SLCO1B1: variants seen among roughly 807,000 people sequenced by gnomAD.
SLCO1B1 encodes the protein solute carrier organic anion transporter family member 1B1.
SLCO1B1 carries 81 observed loss-of-function variants against 70.1 expected under a neutral mutation model. That is an observed-to-expected ratio of 1.16 (90% CI 0.97 to 1.39). The LOEUF (loss-of-function observed/expected upper bound fraction) is 1.39. Among genes scored for constraint, SLCO1B1 ranks in the 40% most tolerant of loss-of-function variants. The probability of loss-of-function intolerance (pLI) is 0.00; values close to 1 mark genes in which losing one functional copy is unlikely to be tolerated. For missense variants in SLCO1B1, 895 were observed against 799.6 expected, an observed-to-expected ratio of 1.12 and a Z score of -1.44; for synonymous variants, 283 against 271.5, an observed-to-expected ratio of 1.04 and a Z score of -0.42.
intron 11 of SLCO1B1, 70 bp from the exon 12 acceptor site, chr12:21,217,049 A>G: frequency 8.9e-7 from 1 of 1,118,240 alleles, no homozygotes; most frequent in Non-Finnish European, 1.4e-6. Flanking sequence ...ACTAAATATA[A>G]TGCAATGTAT....
At chr12:21,157,164 CA>C (rs1429885610) in intron 2 of SLCO1B1, among the ~76,000 whole-genome samples, 2 of 151,892 alleles carry the variant, frequency 1.3e-5, no homozygotes, top group Admixed American at 1.3e-4. Context: ...CAAGCAAAAA[CA>C]AACAAATAAC....
intron 14 of SLCO1B1, among the ~76,000 whole-genome samples, chr12:21,228,231 T>C (rs1318423881): frequency 6.6e-6 from 1 of 152,204 alleles, no homozygotes; most frequent in East Asian, 1.9e-4. Flanking sequence ...TGTCTTTCAG[T>C]GAGCTCTTTA....
chr12:21,238,027 A>T (rs758826935), intron 14 of SLCO1B1, among the ~76,000 whole-genome samples: 12 of 152,150 alleles, frequency 7.9e-5, no homozygotes, highest in Admixed American at 2.6e-4. Flanking sequence ...ATTATTTTTT[A>T]AAAATGTTTC....
At chr12:21,181,871 A>G (rs1390497621) in intron 7 of SLCO1B1, among the ~76,000 whole-genome samples, 2 of 152,160 alleles carry the variant, frequency 1.3e-5, no homozygotes, top group Admixed American at 6.5e-5. Context: ...GGAAACCCTA[A>G]GAAAAAGGTA....
At chr12:21,153,839 T>C (rs897152531) in intron 2 of SLCO1B1, among the ~76,000 whole-genome samples, 3 of 152,014 alleles carry the variant, frequency 2.0e-5, no homozygotes, top group African/African-American at 7.2e-5. Flanking sequence ...TCTATGTCTA[T>C]TTGGGCTATT....
At chr12:21,153,982 C>G (rs975797187) in intron 2 of SLCO1B1, among the ~76,000 whole-genome samples, 4 of 152,006 alleles carry the variant, frequency 2.6e-5, no homozygotes, top group Non-Finnish European at 4.4e-5. Context: ...AAAATCCAAA[C>G]TAAAAATTAT....
intron 2 of SLCO1B1, among the ~76,000 whole-genome samples, chr12:21,164,677 G>A (rs533981544): frequency 5.9e-5 from 9 of 152,028 alleles, no homozygotes; most frequent in South Asian, 2.1e-4. Flanking sequence ...CAAATAATCC[G>A]TGTTATTTCA....
chr12:21,145,675 T>C (rs912392983), intron 2 of SLCO1B1, among the ~76,000 whole-genome samples: 1 of 151,896 alleles, frequency 6.6e-6, no homozygotes, highest in Non-Finnish European at 1.5e-5. Flanking sequence ...AATACATAAA[T>C]GAAAATTTGA....
intron 14 of SLCO1B1, among the ~76,000 whole-genome samples, chr12:21,234,545 C>T (rs1360746165): frequency 1.3e-5 from 2 of 151,942 alleles, no homozygotes; most frequent in Non-Finnish European, 2.9e-5. Flanking sequence ...TAAATTTCTC[C>T]CAGAATTAGT....
intron 14 of SLCO1B1, among the ~76,000 whole-genome samples, chr12:21,229,149 C>T (rs532921062): frequency 3.3e-5 from 5 of 152,116 alleles, no homozygotes; most frequent in Admixed American, 6.5e-5. Context: ...CCACATACCA[C>T]CTGCCCCACA....
chr12:21,196,774 A>G (rs1941096200), intron 7 of SLCO1B1, among the ~76,000 whole-genome samples, 172 bp from the exon 8 acceptor site: 1 of 152,206 alleles, frequency 6.6e-6, no homozygotes, highest in South Asian at 2.1e-4. Context: ...CTGTTGCATT[A>G]TGTCATCAAA....
intron 1 of SLCO1B1, among the ~76,000 whole-genome samples, chr12:21,132,142 C>T (rs1036430061): frequency 6.6e-6 from 1 of 152,132 alleles, no homozygotes; most frequent in Admixed American, 6.5e-5. Flanking sequence ...CAGTTTCATC[C>T]ATGTCCCTAC....
chr12:21,218,899 A>G (rs1941391406), intron 12 of SLCO1B1, among the ~76,000 whole-genome samples: 1 of 152,242 alleles, frequency 6.6e-6, no homozygotes. Context: ...GAATAAAAAT[A>G]TAAATTTCAG....
At position 21,185,003 on chromosome 12, in the gene SLCO1B1, A is replaced by G. The variant is rs562151591; in HGVS notation, c.727+5983A>G. Among the ~76,000 whole-genome samples the G allele has an allele frequency of 5.3e-4, 80 of 152,326 alleles. 1 individual carries two copies. The South Asian group carries it at 0.015, about 29-fold the overall frequency. Reference sequence around the variant, plus strand: ...ACAGACATTAAACCAAAAACCATCAAGAAGGACAAAGAAGGGTATTACATA... The same window carrying G: ...ACAGACATTAAACCAAAAACCATCAGGAAGGACAAAGAAGGGTATTACATA... On this transcript the variant is annotated intron_variant, in intron 7 of 14. Coordinates refer to ENST00000256958, the MANE Select transcript of SLCO1B1 (RefSeq NM_006446.5).
chr12:21,144,086 T>A (rs1940350005), intron 2 of SLCO1B1, among the ~76,000 whole-genome samples: 1 of 152,162 alleles, frequency 6.6e-6, no homozygotes, highest in South Asian at 2.1e-4. Flanking sequence ...TGCTAGTATA[T>A]GTTTCATCAT....
chr12:21,191,047 C>A (rs1941024221), intron 7 of SLCO1B1, among the ~76,000 whole-genome samples: 1 of 151,974 alleles, frequency 6.6e-6, no homozygotes, highest in Admixed American at 6.6e-5. Flanking sequence ...ATTACTATAG[C>A]TTTAAAATAC....
At chr12:21,175,176 A>G (rs945229797) in intron 4 of SLCO1B1, among the ~76,000 whole-genome samples, 5 of 152,140 alleles carry the variant, frequency 3.3e-5, no homozygotes, top group African/African-American at 1.2e-4. Flanking sequence ...TATTTTTCAC[A>G]TTACAGTTAA....
At chr12:21,193,883 C>T (rs1170735104) in intron 7 of SLCO1B1, among the ~76,000 whole-genome samples, 1 of 152,076 alleles carries the variant, frequency 6.6e-6, no homozygotes, top group East Asian at 1.9e-4. Flanking sequence ...CTCCACCTCC[C>T]AGGTTCACAC....
intron 2 of SLCO1B1, among the ~76,000 whole-genome samples, chr12:21,163,942 GA>G (rs10718437): frequency 0.46 from 67,031 of 146,100 alleles, 16,029 homozygotes; most frequent in South Asian, 0.75. Flanking sequence ...ACAAATCACT[GA>G]AAAAAAAAAA....
Sources: gnomAD v4.1 joint callset for allele counts (sites outside exome capture counted in the v4.1 genomes callset) on GRCh38, gnomAD v4.1.1 for gene constraint, MANE v1.5 for transcripts, NCBI Gene and HGNC (gene_info 2026-07-23, HGNC 2026-07-21) for gene names.